The following UBE3B variants were observed in gnomAD, a reference collection of about 807,000 sequenced individuals.
UBE3B encodes the protein ubiquitin-protein ligase E3B.
UBE3B carries 80 observed loss-of-function variants against 132.3 expected under a neutral mutation model. The ratio of observed to expected loss-of-function variants is 0.60; its 90% CI spans 0.50 to 0.73. The LOEUF (loss-of-function observed/expected upper bound fraction) is 0.73, where lower values mean the gene tolerates loss of function less well. Among genes scored for constraint, UBE3B ranks in the 30% least tolerant of loss-of-function variants. UBE3B has a pLI of 0.00. For missense variants in UBE3B, 1,196 were observed against 1,362.5 expected, an observed-to-expected ratio of 0.88 and a Z score of 1.92; for synonymous variants, 487 against 520.4, an observed-to-expected ratio of 0.94 and a Z score of 0.87.
intron 26 of UBE3B, among the ~76,000 whole-genome samples, chr12:109,531,314 TACTG>T (rs1882916759): frequency 6.6e-6 from 1 of 152,372 alleles, no homozygotes; most frequent in East Asian, 1.9e-4. Context: ...TGTTTTTTGT[TACTG>T]ACATCAGCAG....
At position 109,534,377 on chromosome 12, in the gene UBE3B, G is replaced by C. The variant is rs1446201235; in HGVS notation, c.3016-214G>C. Reference sequence around the variant, plus strand: ...AGCTTACTTAGTGCAGGAATTCTCTGTGCAGGCCCCAGGGAGAAGGGGTTC... The same window carrying C: ...AGCTTACTTAGTGCAGGAATTCTCTCTGCAGGCCCCAGGGAGAAGGGGTTC... On this transcript the variant is annotated intron_variant, in intron 27 of 27. Transcript: ENST00000342494. The surrounding 1 kb of genome is among the most constrained non-coding windows in gnomAD (Gnocchi z 5.2). 1.4e-6 allele frequency: 2 copies of C among 1,416,766 alleles called. No individual in the cohort carries two copies. The highest frequency in any genetic ancestry group is 2.9e-5 in the African/African-American group (2 of 68,974). The allele number at this position is 1,416,766 out of a possible 1,614,324, so 87.8% of individuals were successfully genotyped here.
chr12:109,537,308 T>C (rs894274015), downstream of UBE3B, among the ~76,000 whole-genome samples: 2 of 152,192 alleles, frequency 1.3e-5, no homozygotes, highest in Non-Finnish European at 2.9e-5. Flanking sequence ...TCTCACTGCA[T>C]TCCCCAGCCA....
intron 18 of UBE3B, among the ~76,000 whole-genome samples, chr12:109,515,203 G>A (rs1333388512): frequency 2.0e-5 from 3 of 151,768 alleles, no homozygotes; most frequent in Non-Finnish European, 2.9e-5. Context: ...GTGAGCCACC[G>A]CGACTGGCCC....
chr12:109,511,458 AC>A (rs1249604933), intron 18 of UBE3B, 155 bp downstream of exon 18: 23 of 691,384 alleles, frequency 3.3e-5, no homozygotes, highest in Non-Finnish European at 5.4e-5. Context: ...GTGAGGTTAC[AC>A]CCAGTGCTGG....
intron 26 of UBE3B, among the ~76,000 whole-genome samples, chr12:109,532,381 A>C (rs1349950330): frequency 6.6e-6 from 1 of 152,140 alleles, no homozygotes; most frequent in Non-Finnish European, 1.5e-5. Context: ...GATCTTGTTA[A>C]TACTCTTTTT....
At chr12:109,546,303 A>G in the UBE3B span, among the ~76,000 whole-genome samples, 1 of 152,212 alleles carries the variant, frequency 6.6e-6, no homozygotes, top group African/African-American at 2.4e-5. Context: ...CAAAAGCTGG[A>G]TGGCTAGAAA....
At position 109,483,966 on chromosome 12, in the gene UBE3B, CA is replaced by C; in HGVS notation, c.270del (p.Glu91ArgfsTer14). ...GGAAACTGCTGTTCCTATTCAGAAT[CA>C]AAGAGGATAATGAGGTAAAACGATA... ...ARKLLFLFRIKEDNERFEKLC... is the reference protein window; with the variant it reads ...ARKLLFLFRIXEDNERFEKLC... On this transcript the variant is annotated frameshift_variant, in exon 4 of 28. Transcript: ENST00000342494. LOFTEE classifies it high-confidence loss of function. The C allele has an allele frequency of 6.2e-7, 1 of 1,613,406 alleles. No individual in the cohort carries two copies. The highest frequency in any genetic ancestry group is 8.5e-7 in the Non-Finnish European group (1 of 1,179,744).
At chr12:109,530,138 T>G (rs1882799016) in intron 25 of UBE3B, 66 bp downstream of exon 25, 1 of 1,588,526 alleles carries the variant, frequency 6.3e-7, no homozygotes, top group African/African-American at 1.3e-5. Flanking sequence ...GCTCCCTCGC[T>G]GGGTTCCTTT....
chr12:109,480,537 G>T (rs1875194146), intron 1 of UBE3B, among the ~76,000 whole-genome samples: 1 of 152,080 alleles, frequency 6.6e-6, no homozygotes, highest in South Asian at 2.1e-4. Flanking sequence ...TGTGGTCCCA[G>T]CTACTTGAGA....
the UBE3B span, among the ~76,000 whole-genome samples, chr12:109,543,920 C>G: frequency 6.6e-6 from 1 of 151,978 alleles, no homozygotes; most frequent in Non-Finnish European, 1.5e-5. Context: ...CCTCTCAAAG[C>G]AAGCCTAGCA....
At chr12:109,489,014 T>C (rs1876972400) in intron 7 of UBE3B, among the ~76,000 whole-genome samples, 1 of 152,222 alleles carries the variant, frequency 6.6e-6, no homozygotes, top group East Asian at 1.9e-4. Context: ...ATAATTCTAT[T>C]TTGCCCATAA....
At chr12:109,526,694 A>T (rs1882371012) in intron 24 of UBE3B, among the ~76,000 whole-genome samples, 1 of 152,038 alleles carries the variant, frequency 6.6e-6, no homozygotes, top group Non-Finnish European at 1.5e-5. Context: ...AACATGGTGA[A>T]ACCCCGTCTC....
At chr12:109,544,480 C>T in the UBE3B span, among the ~76,000 whole-genome samples, 5 of 152,138 alleles carry the variant, frequency 3.3e-5, no homozygotes, top group African/African-American at 1.2e-4. Context: ...CTAGCAGAGA[C>T]GCCAAATCAA....
chr12:109,503,260 T>C, intron 14 of UBE3B, 70 bp downstream of exon 14: 1 of 1,559,582 alleles, frequency 6.4e-7, no homozygotes, highest in Non-Finnish European at 8.7e-7. Context: ...CAAAAGTCGA[T>C]GTTTTTTTCT....
At chr12:109,532,236 C>T (rs189819838) in intron 26 of UBE3B, among the ~76,000 whole-genome samples, 71 of 152,290 alleles carry the variant, frequency 4.7e-4, no homozygotes, top group African/African-American at 1.5e-3. Flanking sequence ...ACCACAGCCC[C>T]GACACACAGC....
At chr12:109,480,858 A>G (rs1875265569) in intron 1 of UBE3B, among the ~76,000 whole-genome samples, 1 of 152,268 alleles carries the variant, frequency 6.6e-6, no homozygotes, top group Admixed American at 6.5e-5. Context: ...CACTGGTAAC[A>G]TGTTGGTATA....
intron 5 of UBE3B, 72 bp downstream of exon 5, chr12:109,486,143 G>T (rs974082829): frequency 6.8e-7 from 1 of 1,479,750 alleles, no homozygotes; most frequent in Admixed American, 2.2e-5. Context: ...GAAAGTTCCT[G>T]TTGAATATTA....
intron 23 of UBE3B, among the ~76,000 whole-genome samples, chr12:109,525,377 G>A (rs773851994): frequency 2.6e-4 from 40 of 152,178 alleles, no homozygotes; most frequent in Non-Finnish European, 4.3e-4. Context: ...ATGCTGTCTC[G>A]CAGGATCGTT....
At chr12:109,512,725 A>G (rs1880532947) in intron 18 of UBE3B, among the ~76,000 whole-genome samples, 1 of 152,040 alleles carries the variant, frequency 6.6e-6, no homozygotes, top group Non-Finnish European at 1.5e-5. Context: ...TATGGTTGCT[A>G]TTCTTTCCCC....
Sources: gnomAD v4.1 joint callset for allele counts (sites outside exome capture counted in the v4.1 genomes callset) on GRCh38, gnomAD v4.1.1 for gene constraint, Gnocchi (gnomAD v3.1) non-coding constraint, MANE v1.5 for transcripts, NCBI Gene and HGNC (gene_info 2026-07-23, HGNC 2026-07-21) for gene names.